The following TNKS2 variants were observed in gnomAD, a reference collection of about 807,000 sequenced individuals.
TNKS2 encodes poly [ADP-ribose] polymerase tankyrase-2.
TNKS2 carries 72 observed loss-of-function variants against 137.6 expected under a neutral mutation model. That is an observed-to-expected ratio of 0.52 (90% CI 0.43 to 0.64). The LOEUF is 0.64. Among genes scored for constraint, TNKS2 ranks in the 30% least tolerant of loss-of-function variants. TNKS2 has a pLI of 0.00. For missense variants in TNKS2, 1,049 were observed against 1,410.2 expected, an observed-to-expected ratio of 0.74 and a Z score of 4.10; for synonymous variants, 516 against 512.1, an observed-to-expected ratio of 1.01 and a Z score of -0.10.
Position 91,863,026 on chromosome 10 carries a change from C to T in TNKS2, c.*27C>T. The T allele has an allele frequency of 1.3e-6, 2 of 1,549,252 alleles. No individual in the cohort carries two copies. The highest frequency in any genetic ancestry group is 2.3e-5 in the South Asian group (2 of 88,192). ...TAGTTATTTTAAGAAACTAATTCCA[C>T]TGAACCTAAAATCATCAAAGCAGCA... On this transcript the variant is annotated 3_prime_UTR_variant, in exon 27 of 27. Coordinates refer to ENST00000371627, the MANE Select transcript of TNKS2 (RefSeq NM_025235.4).
rs111962010 is a variant in TNKS2, at chr10:91,840,540, ATGTTG to A, written c.1528-16_1528-12del. 281,369 of 1,601,064 alleles carry A rather than the reference ATGTTG, an allele frequency of 0.18. 25,737 individuals carry two copies. Among genetic ancestry groups the A allele is most frequent in the Middle Eastern group, 0.23 (1,390 of 6,016 alleles). On this transcript the variant is annotated splice_polypyrimidine_tract_variant and intron_variant, in intron 13 of 26. Transcript: ENST00000371627. Reference sequence around the variant, plus strand: ...ACAATATGTAGATGTAGTATCATGTATGTTGTGTTTTGTCCTTCAGAAACTGTGTA... The same window carrying A: ...ACAATATGTAGATGTAGTATCATGTATGTTTTGTCCTTCAGAAACTGTGTA...
intron 1 of TNKS2, among the ~76,000 whole-genome samples, chr10:91,812,058 CA>C (rs11333861): frequency 0.58 from 70,946 of 121,458 alleles, 19,191 homozygotes; most frequent in East Asian, 0.88. Flanking sequence ...CACTCCGTCT[CA>C]AAAAAAAAAA....
At chr10:91,857,185 A>AC (rs1842730890) in intron 23 of TNKS2, among the ~76,000 whole-genome samples, 4 of 152,184 alleles carry the variant, frequency 2.6e-5, no homozygotes, top group African/African-American at 9.7e-5. Flanking sequence ...AATTAACAGT[A>AC]TTCCTGACCT....
chr10:91,856,678 G>T (rs1419434212), intron 23 of TNKS2, among the ~76,000 whole-genome samples: 1 of 152,124 alleles, frequency 6.6e-6, no homozygotes, highest in Non-Finnish European at 1.5e-5. Context: ...GTGATGAAAC[G>T]GGTTTTTTTT....
At chr10:91,815,131 C>T (rs1455413504) in intron 2 of TNKS2, among the ~76,000 whole-genome samples, 1 of 152,130 alleles carries the variant, frequency 6.6e-6, no homozygotes, top group East Asian at 1.9e-4. Context: ...GCCACCTTAA[C>T]TCCATTATTT....
At position 91,798,908 on chromosome 10, in the gene TNKS2, C is replaced by CCCTCG; in HGVS notation, c.199+26_199+30dup. ...GCCGCAGGTAACCGGGGCCAGCGTCCCCTCGCCTCGCTCCAGACCCCACCT... is the reference window on the plus strand; with the variant it reads ...GCCGCAGGTAACCGGGGCCAGCGTCCCCTCGCCTCGCCTCGCTCCAGACCCCACCT... On this transcript the variant is annotated intron_variant, in intron 1 of 26. Coordinates refer to ENST00000371627, the MANE Select transcript of TNKS2 (RefSeq NM_025235.4). 1 of 1,376,110 alleles carries CCCTCG rather than the reference C, an allele frequency of 7.3e-7. No homozygotes were observed. Among genetic ancestry groups the CCCTCG allele is most frequent in the Non-Finnish European group, 9.5e-7 (1 of 1,056,116 alleles). 85.2% of individuals were successfully genotyped at this position (1,376,110 alleles called of 1,614,324 possible). A position where few individuals can be genotyped will look rare whatever the true frequency, so the allele number is the denominator to read the frequency against.
intron 9 of TNKS2, among the ~76,000 whole-genome samples, chr10:91,830,502 G>A (rs1845212444): frequency 6.6e-6 from 1 of 152,242 alleles, no homozygotes; most frequent in Non-Finnish European, 1.5e-5. Flanking sequence ...ACAGGCCTGA[G>A]CCACTGTGCC....
At position 91,840,571 on chromosome 10, in the gene TNKS2, C is replaced by T. The variant is rs1414211565; in HGVS notation, c.1538C>T (p.Thr513Ile). Residue 513 changes from threonine (T) to isoleucine (I), a missense_variant, in exon 14 of 27, where the codon ACT becomes ATT. Physicochemically the swap from Thr to Ile is moderately conservative, Grantham distance 89. This residue lies in a region of TNKS2 where 328 missense variants were observed against 436.0 expected (regional missense o/e 0.75). Transcript: ENST00000371627. ...GDVETVKKLCTVQSVNCRDIE... is the reference protein window; with the variant it reads ...GDVETVKKLCIVQSVNCRDIE... ...TGTTTTGTCCTTCAGAAACTGTGTA[C>T]TGTTCAGAGTGTCAACTGCAGAGAC... The T allele has an allele frequency of 6.2e-7, 1 of 1,613,722 alleles. No homozygotes were observed. The highest frequency in any genetic ancestry group is 1.7e-5 in the Admixed American group (1 of 59,936).
At chr10:91,828,167 A>G in intron 8 of TNKS2, 118 bp from the exon 9 acceptor site, 1 of 1,127,686 alleles carries the variant, frequency 8.9e-7, no homozygotes, top group African/African-American at 1.6e-5. Flanking sequence ...TAGAGCCTCA[A>G]TCTGGCTATT....
chr10:91,819,359 T>C (rs1326820665), intron 4 of TNKS2, 53 bp downstream of exon 4: 10 of 1,386,970 alleles, frequency 7.2e-6, no homozygotes, highest in Non-Finnish European at 9.6e-6. Context: ...ATTAACTTTT[T>C]CTTTTTTTTT....
intron 18 of TNKS2, among the ~76,000 whole-genome samples, chr10:91,847,123 A>G (rs1842397483): frequency 6.6e-6 from 1 of 152,216 alleles, no homozygotes; most frequent in Non-Finnish European, 1.5e-5. Context: ...AAATGGTACT[A>G]TTATTATAAA....
chr10:91,819,430 G>T, intron 4 of TNKS2, 52 bp from the exon 5 acceptor site: 1 of 1,467,610 alleles, frequency 6.8e-7, no homozygotes, highest in Non-Finnish European at 9.1e-7. Context: ...TACTTATCTT[G>T]AGGAACATCT....
chr10:91,816,354 T>G (rs930667719), intron 2 of TNKS2, among the ~76,000 whole-genome samples: 4 of 152,186 alleles, frequency 2.6e-5, no homozygotes, highest in African/African-American at 9.7e-5. Context: ...TCCGTGTAAT[T>G]AACCTGAAAA....
At chr10:91,832,057 G>A (rs368526136) in intron 11 of TNKS2, among the ~76,000 whole-genome samples, 18 of 152,236 alleles carry the variant, frequency 1.2e-4, no homozygotes, top group African/African-American at 4.3e-4. Context: ...TTCAAGGAAC[G>A]ATTTAGAGTT....
intron 9 of TNKS2, among the ~76,000 whole-genome samples, chr10:91,829,563 G>T (rs1412258543): frequency 6.6e-6 from 1 of 152,118 alleles, no homozygotes; most frequent in East Asian, 1.9e-4. Flanking sequence ...ATTTGAGGTG[G>T]ATGTGATTTT....
Position 91,798,685 on chromosome 10 carries a change from A to G in TNKS2, c.-6A>G, listed in dbSNP as rs1240733073. ...GCTGTTGCTGGCTGTGGCGGCGGCC[A>G]GGATCATGTCGGGTCGCCGCTGCGC... On this transcript the variant is annotated 5_prime_UTR_variant, in exon 1 of 27. Coordinates refer to ENST00000371627, the MANE Select transcript of TNKS2 (RefSeq NM_025235.4). 24 of 1,227,538 alleles carry G rather than the reference A, an allele frequency of 2.0e-5. No individual in the cohort carries two copies. The highest frequency in any genetic ancestry group is 2.3e-5 in the Non-Finnish European group (23 of 982,088). 76.0% of individuals were successfully genotyped at this position (1,227,538 alleles called of 1,614,324 possible).
intron 9 of TNKS2, among the ~76,000 whole-genome samples, chr10:91,830,079 C>G (rs1338791298): frequency 6.6e-6 from 1 of 152,096 alleles, no homozygotes; most frequent in Non-Finnish European, 1.5e-5. Flanking sequence ...CATTTTCCAC[C>G]ACTGATTTTG....
chr10:91,842,570 T>C (rs555590872), intron 16 of TNKS2, among the ~76,000 whole-genome samples, 179 bp downstream of exon 16: 1 of 152,190 alleles, frequency 6.6e-6, no homozygotes, highest in East Asian at 1.9e-4. Context: ...GCCCAGGAAT[T>C]TGAGAGCAGC....
intron 1 of TNKS2, among the ~76,000 whole-genome samples, chr10:91,803,646 A>G (rs1358504401): frequency 6.6e-6 from 1 of 152,182 alleles, no homozygotes; most frequent in Admixed American, 6.5e-5. Context: ...AAAATAGTAA[A>G]TGAGAAGTTT....
Sources: allele counts gnomAD v4.1 joint callset (sites outside exome capture counted in the v4.1 genomes callset), GRCh38; gene constraint gnomAD v4.1.1; regional missense constraint gnomAD v4.1.1; transcripts MANE v1.5; gene names NCBI Gene and HGNC (gene_info 2026-07-23, HGNC 2026-07-21).